The following ESRRG variants were observed in gnomAD, a reference collection of about 807,000 sequenced individuals.
ESRRG encodes estrogen-related receptor gamma.
In ESRRG, 13 loss-of-function variants were observed where a neutral mutation model predicts 44.0. That is an observed-to-expected ratio of 0.30 (90% CI 0.19 to 0.47). The LOEUF is 0.47. ESRRG is among the 20% of genes least tolerant of loss of function. ESRRG has a pLI of 1.00. For missense variants in ESRRG, 395 were observed against 580.6 expected (o/e 0.68, Z 3.29); for synonymous variants, 215 against 214.6 (o/e 1.00, Z -0.02).
chr1:216,817,090 A>C (rs2095163275), intron 2 of ESRRG, among the ~76,000 whole-genome samples: 1 of 152,010 alleles, frequency 6.6e-6, no homozygotes, highest in South Asian at 2.1e-4. Context: ...TTTGTGGGTC[A>C]ATATGGAGCA....
At chr1:216,997,179 A>G (rs984303556) in intron 1 of ESRRG, among the ~76,000 whole-genome samples, 3 of 152,220 alleles carry the variant, frequency 2.0e-5, no homozygotes, top group Non-Finnish European at 4.4e-5. Context: ...AGGGTACTTT[A>G]AATTCTCTTT....
chr1:216,880,288 C>A (rs964472659), intron 2 of ESRRG, among the ~76,000 whole-genome samples: 1 of 96,170 alleles, frequency 1.0e-5, no homozygotes, highest in African/African-American at 4.1e-5. Flanking sequence ...GCCTGAGCGA[C>A]AACAAGCCTC....
chr1:216,650,865 C>T (rs1045637739), intron 3 of ESRRG, 108 bp downstream of exon 3: 85 of 740,452 alleles, frequency 1.1e-4, no homozygotes, highest in Admixed American at 2.1e-4. Flanking sequence ...AGTCAGGGTA[C>T]TTACTGTTAC....
intron 2 of ESRRG, among the ~76,000 whole-genome samples, chr1:216,752,240 A>T (rs1463561584): frequency 6.6e-6 from 1 of 152,262 alleles, no homozygotes; most frequent in East Asian, 1.9e-4. Context: ...TTCAATAGCA[A>T]GAGAGCAGAT....
At chr1:216,848,485 T>C (rs1023786291) in intron 2 of ESRRG, among the ~76,000 whole-genome samples, 1 of 152,096 alleles carries the variant, frequency 6.6e-6, no homozygotes, top group Non-Finnish European at 1.5e-5. Context: ...GCTAGTTAAC[T>C]GTTTAGCAGT....
intron 1 of ESRRG, among the ~76,000 whole-genome samples, chr1:217,074,307 C>T (rs1470037108): frequency 6.6e-6 from 1 of 151,860 alleles, no homozygotes; most frequent in Non-Finnish European, 1.5e-5. Context: ...CTTTGGCCTC[C>T]CAGAGTGCTG....
intron 1 of ESRRG, among the ~76,000 whole-genome samples, chr1:216,706,456 G>C (rs987695481): frequency 7.2e-5 from 11 of 152,062 alleles, no homozygotes; most frequent in African/African-American, 2.7e-4. Flanking sequence ...CTGTGCCCAC[G>C]TTGCAATAGT....
At chr1:216,966,063 A>C (rs932867307) in intron 1 of ESRRG, among the ~76,000 whole-genome samples, 1 of 152,212 alleles carries the variant, frequency 6.6e-6, no homozygotes, top group African/African-American at 2.4e-5. Flanking sequence ...AAAAAGGATC[A>C]TGAAGGTACA....
chr1:216,915,896 G>T (rs1479054963), intron 2 of ESRRG, among the ~76,000 whole-genome samples: 1 of 152,190 alleles, frequency 6.6e-6, no homozygotes, highest in East Asian at 1.9e-4. Flanking sequence ...ACCCTCGTTG[G>T]CATGCAGTGT....
chr1:216,951,853 C>T (rs1227258107), intron 1 of ESRRG, among the ~76,000 whole-genome samples: 1 of 151,234 alleles, frequency 6.6e-6, no homozygotes, highest in Non-Finnish European at 1.5e-5. Context: ...AAAACACACA[C>T]ACAGACATAT....
At chr1:216,885,137 C>T (rs1436900) in intron 2 of ESRRG, among the ~76,000 whole-genome samples, 93,913 of 151,812 alleles carry the variant, frequency 0.62, 29,662 homozygotes, top group African/African-American at 0.69. Context: ...TTAAGGAAGG[C>T]AGCAAGATAC....
chr1:216,913,045 C>T (rs2060659712), intron 2 of ESRRG, among the ~76,000 whole-genome samples: 1 of 148,616 alleles, frequency 6.7e-6, no homozygotes, highest in Non-Finnish European at 1.5e-5. Context: ...ATCACTTGAA[C>T]CCCAGGGTGT....
At chr1:217,021,018 G>T (rs1377428462) in intron 1 of ESRRG, among the ~76,000 whole-genome samples, 4 of 147,628 alleles carry the variant, frequency 2.7e-5, no homozygotes, top group African/African-American at 4.9e-5. Flanking sequence ...CATACTAGGA[G>T]AACCCCCCCA....
At chr1:216,697,918 A>C (rs1018495833) in intron 1 of ESRRG, among the ~76,000 whole-genome samples, 4 of 152,224 alleles carry the variant, frequency 2.6e-5, no homozygotes, top group African/African-American at 9.6e-5. Context: ...GTCTCAACCA[A>C]GAGCCATGGA....
At chr1:216,566,743 T>A (rs554268156) in intron 4 of ESRRG, among the ~76,000 whole-genome samples, 33 of 152,288 alleles carry the variant, frequency 2.2e-4, no homozygotes, top group African/African-American at 7.5e-4. Flanking sequence ...CTCGATTGTA[T>A]TTGCAGAATG....
At chr1:216,969,581 T>C (rs572560955) in intron 1 of ESRRG, among the ~76,000 whole-genome samples, 2 of 152,270 alleles carry the variant, frequency 1.3e-5, no homozygotes, top group Admixed American at 1.3e-4. Flanking sequence ...GGCCCTTCTA[T>C]AGAAATTTTC....
chr1:216,581,461 G>T (rs531986974), intron 3 of ESRRG, among the ~76,000 whole-genome samples: 2 of 152,206 alleles, frequency 1.3e-5, no homozygotes, highest in South Asian at 4.1e-4. Context: ...TTCTGATAAT[G>T]ATTTGGCCCA....
chr1:216,899,958 C>A (rs1481304209), intron 2 of ESRRG, among the ~76,000 whole-genome samples: 2 of 152,120 alleles, frequency 1.3e-5, no homozygotes, highest in Non-Finnish European at 2.9e-5. Flanking sequence ...ATGTCTTATG[C>A]ATAAGGCTTG....
At chr1:216,938,767 C>A (rs1440628555) in intron 2 of ESRRG, among the ~76,000 whole-genome samples, 3 of 152,168 alleles carry the variant, frequency 2.0e-5, no homozygotes, top group Non-Finnish European at 2.9e-5. Flanking sequence ...CATCAGAGAT[C>A]CTGCATTAGA....
Sources: allele counts gnomAD v4.1 joint callset (sites outside exome capture counted in the v4.1 genomes callset), GRCh38; gene constraint gnomAD v4.1.1; transcripts MANE v1.5; gene names NCBI Gene and HGNC (gene_info 2026-07-23, HGNC 2026-07-21).